The following GFOD2 variants were observed in gnomAD, a reference collection of about 807,000 sequenced individuals.
GFOD2 encodes the protein Gfo/Idh/MocA-like oxidoreductase domain containing 2, also known as glucose-fructose oxidoreductase domain-containing protein 2.
In GFOD2, 9 loss-of-function variants were observed where a neutral mutation model predicts 24.6. The observed-to-expected ratio is 0.37, with a 90% confidence interval of 0.22 to 0.64. GFOD2 has a LOEUF of 0.64. Among genes scored for constraint, GFOD2 ranks in the 30% least tolerant of loss-of-function variants. The pLI is 0.65. For synonymous variants in GFOD2, 211 were observed against 224.8 expected, an observed-to-expected ratio of 0.94 and a Z score of 0.55; for missense variants, 476 against 532.5, an observed-to-expected ratio of 0.89 and a Z score of 1.04.
chr16:67,680,938 G>T, intron 2 of GFOD2: 1 of 985,410 alleles, frequency 1.0e-6, no homozygotes, highest in Middle Eastern at 5.2e-4. Context: ...GGACAATAAA[G>T]AACAGCCAGC....
intron 2 of GFOD2, among the ~76,000 whole-genome samples, chr16:67,678,509 A>T (rs2053200941): frequency 6.6e-6 from 1 of 151,914 alleles, no homozygotes; most frequent in Non-Finnish European, 1.5e-5. Context: ...AAGAAAAAGA[A>T]ATGGCCGATG....
intron 2 of GFOD2, among the ~76,000 whole-genome samples, chr16:67,678,256 C>T (rs1193152818): frequency 1.3e-5 from 2 of 152,176 alleles, no homozygotes; most frequent in Admixed American, 6.5e-5. Context: ...GTGGGTGGAT[C>T]ACCTGAGGTT....
At chr16:67,680,182 C>CATG (rs2053214752) in intron 2 of GFOD2, among the ~76,000 whole-genome samples, 1 of 152,226 alleles carries the variant, frequency 6.6e-6, no homozygotes, top group South Asian at 2.1e-4. Context: ...AGTCATGAGC[C>CATG]ACCATGCCCA....
At chr16:67,714,857 T>G (rs1216257215) in intron 1 of GFOD2, among the ~76,000 whole-genome samples, 2 of 152,162 alleles carry the variant, frequency 1.3e-5, no homozygotes, top group Non-Finnish European at 2.9e-5. Flanking sequence ...CCCACGAATT[T>G]CAGGACTATC....
rs1206875596 is a variant in GFOD2, at chr16:67,717,476, G to C, written c.-88+1687C>G. On this transcript the variant is annotated intron_variant, in intron 1 of 2. Transcript: ENST00000268797. ...CTAGTATTACTATAGAAATCAGATAGCAATTGCCCTAGCAAATAAAAATAA... is the reference window on the plus strand; with the variant it reads ...CTAGTATTACTATAGAAATCAGATACCAATTGCCCTAGCAAATAAAAATAA... Among the ~76,000 whole-genome samples the C allele has an allele frequency of 2.0e-5, 3 of 152,224 alleles. No individual in the cohort carries two copies. In the East Asian group the frequency reaches 5.8e-4, roughly 29 times the overall value.
intron 1 of GFOD2, among the ~76,000 whole-genome samples, chr16:67,704,067 C>A (rs1176111314): frequency 6.6e-6 from 1 of 151,832 alleles, no homozygotes; most frequent in East Asian, 1.9e-4. Flanking sequence ...TGTGTAGATA[C>A]CACATTTTGC....
At chr16:67,718,183 C>T (rs771654464) in intron 1 of GFOD2, among the ~76,000 whole-genome samples, 1 of 152,212 alleles carries the variant, frequency 6.6e-6, no homozygotes, top group East Asian at 1.9e-4. Flanking sequence ...AAATTAAATG[C>T]TGTTCCCTTC....
chr16:67,708,332 G>A (rs938066150), intron 1 of GFOD2, among the ~76,000 whole-genome samples: 2 of 152,126 alleles, frequency 1.3e-5, no homozygotes, highest in African/African-American at 2.4e-5. Context: ...GGACATCATC[G>A]GTACAGGCTG....
intron 1 of GFOD2, among the ~76,000 whole-genome samples, chr16:67,709,599 G>A (rs1382791014): frequency 1.3e-5 from 2 of 152,088 alleles, no homozygotes; most frequent in African/African-American, 4.8e-5. Context: ...TGCTATGAGA[G>A]ACTCAGCAGG....
intron 1 of GFOD2, among the ~76,000 whole-genome samples, chr16:67,696,737 T>G (rs999807947): frequency 1.4e-4 from 21 of 152,320 alleles, no homozygotes; most frequent in Middle Eastern, 3.4e-3. Flanking sequence ...CCTCCCAAAG[T>G]GCCGGGATTA....
chr16:67,689,577 A>T (rs2053295503), intron 1 of GFOD2, among the ~76,000 whole-genome samples: 1 of 151,980 alleles, frequency 6.6e-6, no homozygotes, highest in Non-Finnish European at 1.5e-5. Context: ...AGGTGGAGAC[A>T]GGAGAATTGC....
intron 2 of GFOD2, chr16:67,677,985 A>AT (rs2053195315): frequency 6.6e-6 from 1 of 152,100 alleles, no homozygotes; most frequent in African/African-American, 2.4e-5. Flanking sequence ...GCCCCCAAAC[A>AT]TTTTCTGAAT....
chr16:67,695,678 G>A (rs1330817755), intron 1 of GFOD2, among the ~76,000 whole-genome samples: 2 of 151,980 alleles, frequency 1.3e-5, no homozygotes, highest in East Asian at 1.9e-4. Flanking sequence ...TGGGATTACA[G>A]GCATGCGCCA....
intron 1 of GFOD2, among the ~76,000 whole-genome samples, chr16:67,715,349 C>T (rs1040152147): frequency 6.6e-6 from 1 of 152,206 alleles, no homozygotes; most frequent in Non-Finnish European, 1.5e-5. Flanking sequence ...CATGAGCCAC[C>T]GCGCCTGGCT....
intron 1 of GFOD2, among the ~76,000 whole-genome samples, chr16:67,695,689 C>T (rs991769027): frequency 6.6e-6 from 1 of 151,920 alleles, no homozygotes; most frequent in Non-Finnish European, 1.5e-5. Flanking sequence ...GCATGCGCCA[C>T]CATACCTGGC....
Position 67,675,522 on chromosome 16 carries a change from C to A in GFOD2, c.791G>T (p.Gly264Val). Reference protein sequence around the residue: ...VGSAGRLVARGADLYGQKNSA... With the variant: ...VGSAGRLVARVADLYGQKNSA... ...GTTCTTCTGCCCATAGAGGTCGGCT[C>A]CCCGGGCGACGAGGCGTCCTGCAGA... The change falls in exon 3 of 3, where the codon GGA becomes GTA. Residue 264 changes from glycine to valine, a missense_variant. Physicochemically the swap from Gly to Val is moderately radical, Grantham distance 109. Coordinates refer to ENST00000268797, the MANE Select transcript of GFOD2 (RefSeq NM_030819.4). The A allele has an allele frequency of 6.2e-7, 1 of 1,612,614 alleles. No homozygotes were observed. The highest frequency in any genetic ancestry group is 8.5e-7 in the Non-Finnish European group (1 of 1,180,002).
chr16:67,678,146 A>T (rs1262127262), intron 2 of GFOD2, among the ~76,000 whole-genome samples: 2 of 152,228 alleles, frequency 1.3e-5, no homozygotes, highest in Non-Finnish European at 2.9e-5. Flanking sequence ...ACAGACAATA[A>T]ATCTTGCAAC....
chr16:67,688,860 A>G (rs1221154391), intron 1 of GFOD2, among the ~76,000 whole-genome samples: 2 of 146,530 alleles, frequency 1.4e-5, no homozygotes, highest in African/African-American at 5.1e-5. Context: ...TCAGCCTCCC[A>G]AGTAGCTGGG....
At chr16:67,716,581 G>A (rs2053508647) in intron 1 of GFOD2, among the ~76,000 whole-genome samples, 1 of 152,182 alleles carries the variant, frequency 6.6e-6, no homozygotes, top group South Asian at 2.1e-4. Context: ...CAGTTCCACA[G>A]GTGGCAACTG....
Sources: gnomAD v4.1 joint callset for allele counts (sites outside exome capture counted in the v4.1 genomes callset) on GRCh38, gnomAD v4.1.1 for gene constraint, MANE v1.5 for transcripts, NCBI Gene and HGNC (gene_info 2026-07-23, HGNC 2026-07-21) for gene names.